The following POLR3B variants were observed in gnomAD, a reference collection of about 807,000 sequenced individuals.
The protein encoded by POLR3B is RNA polymerase III subunit B.
Under a neutral mutation model 147.4 loss-of-function variants are expected in POLR3B, and 96 were observed. The ratio of observed to expected loss-of-function variants is 0.65; its 90% CI spans 0.55 to 0.77. The LOEUF is 0.77. Among genes scored for constraint, POLR3B ranks in the 30% least tolerant of loss-of-function variants. The pLI is 0.00. For missense variants in POLR3B, 1,036 were observed against 1,413.5 expected (o/e 0.73, Z 4.28); for synonymous variants, 461 against 485.9 (o/e 0.95, Z 0.67).
chr12:106,462,073 C>G (rs2137035280), intron 22 of POLR3B, among the ~76,000 whole-genome samples: 1 of 152,282 alleles, frequency 6.6e-6, no homozygotes. Flanking sequence ...CTTTCCTTTA[C>G]CTGCCACACA....
At chr12:106,447,435 C>T (rs756525142) in intron 19 of POLR3B, among the ~76,000 whole-genome samples, 1 of 152,092 alleles carries the variant, frequency 6.6e-6, no homozygotes, top group Non-Finnish European at 1.5e-5. Context: ...TAATAAAGTT[C>T]GAGTTTCCAC....
chr12:106,459,915 A>G (rs2037912805), intron 22 of POLR3B, among the ~76,000 whole-genome samples: 1 of 152,174 alleles, frequency 6.6e-6, no homozygotes, highest in Admixed American at 6.5e-5. Context: ...ATTTCTTCTA[A>G]GCTCTAAAAT....
chr12:106,380,125 G>A lies in POLR3B; in HGVS notation c.709G>A (p.Val237Ile), dbSNP rs1273314279. 5.7e-6 allele frequency: 9 copies of A among 1,577,676 alleles called. No homozygotes were observed. In the East Asian group the frequency reaches 2.0e-4, roughly 35 times the overall value. The change falls in exon 9 of 28, where the codon GTC (valine) becomes ATC (isoleucine). Residue 237 changes from valine (V) to isoleucine (I), a missense_variant. Around this residue, in one of 12 missense-constraint regions of POLR3B, gnomAD observed 217 missense variants for 288.7 expected, o/e 0.75. Transcript: ENST00000228347. ...TACTTTGTCAGAAGATATACCCATT[G>A]TCATCATATTTAAGGTAAAGCTGCA... ...HNTLSEDIPI[V>I]IIFKAMGVES...
chr12:106,410,631 T>C, intron 11 of POLR3B, 195 bp from the exon 12 acceptor site: 1 of 606,264 alleles, frequency 1.6e-6, no homozygotes, highest in South Asian at 1.9e-5. Context: ...TACTCACAGG[T>C]TACTGAGGAC....
intron 13 of POLR3B, among the ~76,000 whole-genome samples, 199 bp from the exon 14 acceptor site, chr12:106,430,074 A>G (rs1179105415): frequency 1.3e-5 from 2 of 152,206 alleles, no homozygotes; most frequent in Non-Finnish European, 2.9e-5. Context: ...AGTAATGTTC[A>G]TTATCTTCCT....
At chr12:106,409,363 T>TTG (rs1213028028) in intron 11 of POLR3B, among the ~76,000 whole-genome samples, 1 of 145,686 alleles carries the variant, frequency 6.9e-6, no homozygotes, top group Non-Finnish European at 1.5e-5. Flanking sequence ...TTGTTTTTTT[T>TTG]TTTTTTTTCT....
chr12:106,448,620 A>G (rs1043746580), intron 19 of POLR3B, among the ~76,000 whole-genome samples: 1 of 150,292 alleles, frequency 6.7e-6, no homozygotes, highest in African/African-American at 2.4e-5. Flanking sequence ...TTTGTTTTTT[A>G]GTAGAGACAG....
At chr12:106,484,625 A>G (rs150558338) in intron 23 of POLR3B, among the ~76,000 whole-genome samples, 1 of 152,186 alleles carries the variant, frequency 6.6e-6, no homozygotes, top group East Asian at 1.9e-4. Flanking sequence ...TATAAACAGG[A>G]TAATTGAAGG....
At chr12:106,371,170 CA>C (rs372428141) in intron 6 of POLR3B, among the ~76,000 whole-genome samples, 34,509 of 151,898 alleles carry the variant, frequency 0.23, 4,229 homozygotes, top group African/African-American at 0.3. Context: ...TTTATGCAGC[CA>C]AAAAACACAT....
At chr12:106,475,078 T>C (rs1256046928) in intron 23 of POLR3B, among the ~76,000 whole-genome samples, 2 of 132,424 alleles carry the variant, frequency 1.5e-5, no homozygotes, top group East Asian at 2.0e-4. Flanking sequence ...TTTGTTCTCA[T>C]TGGTTTCAAA....
At chr12:106,472,403 G>A (rs1331672999) in intron 23 of POLR3B, among the ~76,000 whole-genome samples, 1 of 149,712 alleles carries the variant, frequency 6.7e-6, no homozygotes, top group East Asian at 2.0e-4. Context: ...GGGTCAAATG[G>A]TATTTCTAGT....
chr12:106,462,080 C>T (rs948749635), intron 22 of POLR3B, among the ~76,000 whole-genome samples: 1 of 152,196 alleles, frequency 6.6e-6, no homozygotes, highest in African/African-American at 2.4e-5. Flanking sequence ...TTACCTGCCA[C>T]ACACACCAAT....
At chr12:106,382,257 T>C (rs2036773562) in intron 9 of POLR3B, among the ~76,000 whole-genome samples, 2 of 152,186 alleles carry the variant, frequency 1.3e-5, no homozygotes, top group Admixed American at 6.5e-5. Context: ...CCTTCCCTTT[T>C]ATAAGACAAC....
At position 106,357,843 on chromosome 12, in the gene POLR3B, G is replaced by A. The variant is rs373418815; in HGVS notation, c.-37G>A. On this transcript the variant is annotated 5_prime_UTR_variant, in exon 1 of 28. Transcript: ENST00000228347. ...TGCTTGGTGCAGGGAAGGCGGGCGCGGAGGTTCTATCTGTTTCTTCCTCCT... is the reference window on the plus strand; with the variant it reads ...TGCTTGGTGCAGGGAAGGCGGGCGCAGAGGTTCTATCTGTTTCTTCCTCCT... The A allele has an allele frequency of 5.0e-6, 8 of 1,601,206 alleles. No individual in the cohort carries two copies. The highest frequency in any genetic ancestry group is 1.1e-5 in the South Asian group (1 of 89,612).
intron 23 of POLR3B, among the ~76,000 whole-genome samples, chr12:106,465,015 G>A (rs1469008753): frequency 6.6e-6 from 1 of 152,140 alleles, no homozygotes. Context: ...AATTTATATA[G>A]TTCCCTGAGA....
At chr12:106,358,134 GT>G in intron 1 of POLR3B, 183 bp downstream of exon 1, 2 of 898,462 alleles carry the variant, frequency 2.2e-6, no homozygotes, top group Non-Finnish European at 3.0e-6. Context: ...GCGTGCGCGA[GT>G]GAAGGCTGAT....
intron 23 of POLR3B, among the ~76,000 whole-genome samples, chr12:106,479,155 T>TA (rs2038226153): frequency 6.6e-6 from 1 of 152,078 alleles, no homozygotes; most frequent in Non-Finnish European, 1.5e-5. Context: ...TTTTCTTATA[T>TA]TTATTTAGTT....
intron 19 of POLR3B, among the ~76,000 whole-genome samples, chr12:106,445,739 A>T (rs1189216039): frequency 6.6e-6 from 1 of 152,184 alleles, no homozygotes; most frequent in Non-Finnish European, 1.5e-5. Flanking sequence ...TGATACAAGG[A>T]GCTTCATAAA....
At chr12:106,407,379 G>C (rs2037164341) in intron 11 of POLR3B, among the ~76,000 whole-genome samples, 2 of 152,094 alleles carry the variant, frequency 1.3e-5, no homozygotes, top group South Asian at 2.1e-4. Context: ...TGATGATTCG[G>C]AGATATAATA....
Sources: gnomAD v4.1 joint callset for allele counts (sites outside exome capture counted in the v4.1 genomes callset) on GRCh38, gnomAD v4.1.1 for gene constraint, gnomAD v4.1.1 regional missense constraint, MANE v1.5 for transcripts, NCBI Gene and HGNC (gene_info 2026-07-23, HGNC 2026-07-21) for gene names.